ZDHHC11: variants seen among roughly 807,000 people sequenced by gnomAD.
The protein encoded by ZDHHC11 is palmitoyltransferase ZDHHC11.
ZDHHC11 carries 44 observed loss-of-function variants against 51.3 expected under a neutral mutation model. That is an observed-to-expected ratio of 0.86 (90% CI 0.67 to 1.10). ZDHHC11 has a LOEUF of 1.10. Among genes scored for constraint, ZDHHC11 ranks in the 50% least tolerant of loss-of-function variants. ZDHHC11 has a pLI of 0.00. For synonymous variants in ZDHHC11, 163 were observed against 222.0 expected, an observed-to-expected ratio of 0.73 and a Z score of 2.36; for missense variants, 400 against 537.7, an observed-to-expected ratio of 0.74 and a Z score of 2.53.
intron 12 of ZDHHC11, among the ~76,000 whole-genome samples, chr5:797,170 G>A (rs1737708088): frequency 6.6e-6 from 1 of 151,458 alleles, no homozygotes; most frequent in Non-Finnish European, 1.5e-5. Context: ...TTGGGCCACT[G>A]CACTCCAGCC....
intron 11 of ZDHHC11, among the ~76,000 whole-genome samples, chr5:812,057 G>C (rs1220802708): frequency 1.4e-5 from 2 of 139,004 alleles, no homozygotes; most frequent in Non-Finnish European, 3.0e-5. Flanking sequence ...TTAAGTCTTC[G>C]AGATAAAGTA....
rs1292137128 is a variant in ZDHHC11, at chr5:850,663, A to G, written c.-61T>C. The G allele has an allele frequency of 5.2e-5, 82 of 1,586,940 alleles. 1 individual carries two copies. The highest frequency in any genetic ancestry group is 3.4e-6 in the Non-Finnish European group (4 of 1,164,444). On this transcript the variant is annotated 5_prime_UTR_variant, in exon 1 of 13. Coordinates refer to ENST00000283441, the MANE Select transcript of ZDHHC11 (RefSeq NM_024786.3). ...GATCCTGGGAGGGCCGGCCCCGCCCACTGTCACAGAGACCAAGGGGACTGG... is the reference window on the plus strand; with the variant it reads ...GATCCTGGGAGGGCCGGCCCCGCCCGCTGTCACAGAGACCAAGGGGACTGG...
rs763548018 is a variant in ZDHHC11 at position 821,899 on chromosome 5, T to TG, written c.1024-5dup. 1.0e-5 allele frequency: 16 copies of TG among 1,603,304 alleles called. No homozygotes were observed. The African/African-American group carries it at 1.9e-4, about 19-fold the overall frequency. The stretch of plus-strand genomic sequence containing the variant: ...GACACGGGTCTTCATCCCCTTCCTG[T>TG]GGGGAAGTGAAGCAAAATTCATAGA... On this transcript the variant is annotated splice_polypyrimidine_tract_variant and splice_region_variant and intron_variant, in intron 8 of 12. Coordinates refer to ENST00000283441, the MANE Select transcript of ZDHHC11 (RefSeq NM_024786.3).
In ZDHHC11 at chr5:817,099, TG is replaced by T. The variant is rs1740906907; in HGVS notation, c.1147-2305del. 1.2e-5 allele frequency: 2 copies of T among 163,574 alleles called. 1 individual carries two copies. Among genetic ancestry groups the T allele is most frequent in the African/African-American group, 4.8e-5 (2 of 41,600 alleles). 10.1% of individuals were successfully genotyped at this position (163,574 alleles called of 1,614,324 possible). Reference sequence around the variant, plus strand: ...AAAGTAAGAACTGTTAAAAAGTCCATGTTTTGTCCTGAAATTTTACTCTATT... The same window carrying T: ...AAAGTAAGAACTGTTAAAAAGTCCATTTTTGTCCTGAAATTTTACTCTATT... On this transcript the variant is annotated intron_variant, in intron 10 of 12. Coordinates refer to ENST00000283441, the MANE Select transcript of ZDHHC11 (RefSeq NM_024786.3).
At chr5:839,702 G>A (rs1240669890) in intron 5 of ZDHHC11, 1 of 153,216 alleles carries the variant, frequency 6.5e-6, no homozygotes, top group African/African-American at 2.4e-5. Flanking sequence ...TGGAGATGGA[G>A]GTGAGCCCAG....
In ZDHHC11 at chr5:850,404, C is replaced by T. The variant is rs768620537; in HGVS notation, c.199G>A (p.Ala67Thr). ...ACCACGTAGGCAATGTATTTCCACG[C>T]GTGAGGCAGGAAGGGAATGAAGATC... ...FGIFIPFLPH[A>T]WKYIAYVVTG... Residue 67 changes from alanine to threonine, a missense_variant, in exon 1 of 13, where the codon GCG (alanine) becomes ACG (threonine). Ala to Thr is a moderately conservative substitution (Grantham distance 58). Coordinates refer to ENST00000283441, the MANE Select transcript of ZDHHC11 (RefSeq NM_024786.3). 3.1e-5 allele frequency: 50 copies of T among 1,613,474 alleles called. No individual in the cohort carries two copies. The highest frequency in any genetic ancestry group is 3.8e-5 in the Non-Finnish European group (45 of 1,180,012).
Position 840,220 on chromosome 5 carries a change from T to C in ZDHHC11, c.784+275A>G, listed in dbSNP as rs3822813. Reference sequence around the variant, plus strand: ...TTTTAAACTTGTTACTTCAAGCACCTGGCACCACTCCTGCAGGTCTCGGCG... The same window carrying C: ...TTTTAAACTTGTTACTTCAAGCACCCGGCACCACTCCTGCAGGTCTCGGCG... On this transcript the variant is annotated intron_variant, in intron 5 of 12. Transcript: ENST00000283441. 594 of 702,618 alleles carry C rather than the reference T, an allele frequency of 8.5e-4. 5 individuals carry two copies. The highest frequency in any genetic ancestry group is 1.2e-3 in the Non-Finnish European group (454 of 386,828). 43.5% of individuals were successfully genotyped at this position (702,618 alleles called of 1,614,324 possible). A position where few individuals can be genotyped will look rare whatever the true frequency, so the allele number is the denominator to read the frequency against.
Position 819,563 on chromosome 5 carries a change from A to G in ZDHHC11, c.1108T>C (p.Ser370Pro). 1 of 1,609,920 alleles carries G rather than the reference A, an allele frequency of 6.2e-7. No individual in the cohort carries two copies. Among genetic ancestry groups the G allele is most frequent in the Non-Finnish European group, 8.5e-7 (1 of 1,176,698 alleles). The stretch of plus-strand genomic sequence containing the variant: ...CCCCCGTCTGGGTGTACACGAGTGG[A>G]GAACTGACACAGGCGCCTGCAAATC... Reference protein sequence around the residue: ...RLICRRLCQFSTRVHPDGGSM... With the variant: ...RLICRRLCQFPTRVHPDGGSM... The change falls in exon 10 of 13, where the codon TCC (serine) becomes CCC (proline). Residue 370 changes from serine to proline, a missense_variant. Physicochemically the swap from Ser to Pro is moderately conservative, Grantham distance 74 (BLOSUM62 -1). Around this residue, in one of 5 missense-constraint regions of ZDHHC11, gnomAD observed 231 missense variants for 227.4 expected, o/e 1.02. Coordinates refer to ENST00000283441, the MANE Select transcript of ZDHHC11 (RefSeq NM_024786.3).
At chr5:848,873 T>C (rs1422720837) in intron 1 of ZDHHC11, among the ~76,000 whole-genome samples, 2 of 143,066 alleles carry the variant, frequency 1.4e-5, no homozygotes, top group Non-Finnish European at 3.0e-5. Flanking sequence ...CTGGCCCTGC[T>C]CACCTGGGCG....
chr5:827,467 A>C (rs879826014), intron 7 of ZDHHC11, among the ~76,000 whole-genome samples: 1 of 151,210 alleles, frequency 6.6e-6, no homozygotes, highest in Non-Finnish European at 1.5e-5. Context: ...CCAACCAAGT[A>C]TCTGCTGTCT....
Position 814,798 on chromosome 5 carries a change from G to C in ZDHHC11, c.1147-3C>G, listed in dbSNP as rs768709315. The C allele has an allele frequency of 1.3e-6, 2 of 1,535,824 alleles. 1 individual carries two copies. The highest frequency in any genetic ancestry group is 4.8e-5 in the East Asian group (2 of 41,782). On this transcript the variant is annotated splice_region_variant and splice_polypyrimidine_tract_variant and intron_variant, in intron 10 of 12. Transcript: ENST00000283441. ...ATACTCGGGGCATCATCTGCTTCCT[G>C]TGGGGGGAAGGGATGCAAAATTCAT...
chr5:854,817 G>A (rs1455111778), upstream of ZDHHC11, among the ~76,000 whole-genome samples: 7 of 146,158 alleles, frequency 4.8e-5, no homozygotes, highest in African/African-American at 1.8e-4. Context: ...ACCCCACAGA[G>A]GACAGCGAGC....
chr5:841,764 TGCAGAATGGCAGAGGGCCAGGCAAG>T (rs1745011884), intron 4 of ZDHHC11: 6 of 995,476 alleles, frequency 6.0e-6, no homozygotes, highest in African/African-American at 5.2e-5. Context: ...TCAGGCGTAA[TGCAGAATGGCAGAGGGCCAGGCAAG>T]GCAGAATGGC....
chr5:854,069 C>T (rs1747742621), upstream of ZDHHC11, among the ~76,000 whole-genome samples: 1 of 150,658 alleles, frequency 6.6e-6, no homozygotes, highest in Non-Finnish European at 1.5e-5. Flanking sequence ...GGACAGACCC[C>T]ACCGAGGACA....
rs149028165 is a variant in ZDHHC11, at chr5:807,405, G to C, written c.1182-6241C>G. Among the ~76,000 whole-genome samples, 1,327 of 151,138 alleles carry C rather than the reference G, an allele frequency of 8.8e-3. 3 individuals carry two copies. The highest frequency in any genetic ancestry group is 0.031 in the African/African-American group (1,262 of 41,022). On this transcript the variant is annotated intron_variant, in intron 11 of 12. Transcript: ENST00000283441. ...GAGCGGGGTGCAAGGACTTGGAATA[G>C]GGGCCCCGTCTCAACAGACAAAGAT... is the stretch of plus-strand genomic sequence containing the variant.
intron 11 of ZDHHC11, among the ~76,000 whole-genome samples, chr5:808,997 AC>A (rs1739706098): frequency 6.9e-6 from 1 of 144,952 alleles, no homozygotes; most frequent in East Asian, 2.0e-4. Flanking sequence ...ACACACACAC[AC>A]ACACACACAC....
At chr5:844,227 C>A (rs1231612499) in intron 3 of ZDHHC11, among the ~76,000 whole-genome samples, 1 of 152,406 alleles carries the variant, frequency 6.6e-6, no homozygotes, top group East Asian at 1.9e-4. Context: ...AGGCCTCTCG[C>A]TGGAGAGGGG....
At chr5:816,576 G>T in intron 10 of ZDHHC11, 1 of 612,650 alleles carries the variant, frequency 1.6e-6, no homozygotes, top group South Asian at 1.4e-5. Context: ...GAGAATTTTT[G>T]TCTAATTGAC....
chr5:843,018 C>A (rs149972916), intron 4 of ZDHHC11, among the ~76,000 whole-genome samples: 9,521 of 149,502 alleles, frequency 0.064, 101 homozygotes, highest in African/African-American at 0.17. Flanking sequence ...GGCCCATTTC[C>A]CGAGGATGCT....
Sources: gnomAD v4.1 joint callset for allele counts (sites outside exome capture counted in the v4.1 genomes callset) on GRCh38, gnomAD v4.1.1 for gene constraint, gnomAD v4.1.1 regional missense constraint, MANE v1.5 for transcripts, NCBI Gene and HGNC (gene_info 2026-07-23, HGNC 2026-07-21) for gene names.